The following PDGFC variants were observed in gnomAD, a reference collection of about 807,000 sequenced individuals.
PDGFC encodes platelet derived growth factor C.
A neutral mutation model predicts 35.5 loss-of-function variants in PDGFC; 12 were observed. The ratio of observed to expected loss-of-function variants is 0.34; its 90% CI spans 0.22 to 0.55. PDGFC has a LOEUF of 0.55. PDGFC is among the 20% of genes least tolerant of loss of function. The probability of loss-of-function intolerance (pLI) is 0.91; values close to 1 mark genes in which losing one functional copy is unlikely to be tolerated. For synonymous variants in PDGFC, 159 were observed against 148.8 expected, an observed-to-expected ratio of 1.07 and a Z score of -0.50; for missense variants, 322 against 412.4, an observed-to-expected ratio of 0.78 and a Z score of 1.90.
chr4:156,767,837 C>G lies in PDGFC; in HGVS notation c.857G>C (p.Cys286Ser), dbSNP rs1730582520. The change falls in exon 5 of 6, where the codon TGT (cysteine) becomes TCT (serine). Residue 286 changes from cysteine (C) to serine (S), a missense_variant. Transcript: ENST00000502773. ...LVKRCGGNCA[C>S]CLHNCNECQC... ...ACATTCATTGCAATTGTGGAGACAA[C>G]AGGCACAGTTCCCACCACAGCGTTT... 1 of 1,613,228 alleles carries G rather than the reference C, an allele frequency of 6.2e-7. No homozygotes were observed. The highest frequency in any genetic ancestry group is 1.1e-5 in the South Asian group (1 of 91,066).
At chr4:156,820,780 G>T (rs1732231232) in intron 2 of PDGFC, among the ~76,000 whole-genome samples, 1 of 152,050 alleles carries the variant, frequency 6.6e-6, no homozygotes, top group African/African-American at 2.4e-5. Flanking sequence ...CAACAACTTA[G>T]ATAAAAACTG....
chr4:156,926,076 C>T (rs766553026), intron 1 of PDGFC, among the ~76,000 whole-genome samples: 8 of 116,260 alleles, frequency 6.9e-5, no homozygotes, highest in Non-Finnish European at 1.5e-4. Context: ...AAAAAAAAGA[C>T]AGAAAGACAG....
intron 2 of PDGFC, among the ~76,000 whole-genome samples, chr4:156,821,851 CA>C (rs1340887766): frequency 1.3e-5 from 2 of 151,940 alleles, no homozygotes; most frequent in African/African-American, 2.4e-5. Flanking sequence ...GCCTGGCTGC[CA>C]ATGTGGATAT....
intron 1 of PDGFC, chr4:156,967,779 T>G (rs1045856154): frequency 2.0e-5 from 3 of 152,302 alleles, no homozygotes; most frequent in South Asian, 4.1e-4. Context: ...TGAGTATTTT[T>G]CACCATGGTC....
intron 3 of PDGFC, among the ~76,000 whole-genome samples, chr4:156,800,428 A>C (rs148271721): frequency 1.3e-4 from 20 of 152,298 alleles, no homozygotes; most frequent in African/African-American, 3.8e-4. Flanking sequence ...TTTCAAAGTA[A>C]TATTAAGTAA....
intron 1 of PDGFC, among the ~76,000 whole-genome samples, chr4:156,929,856 C>G (rs1731509921): frequency 6.6e-6 from 1 of 152,076 alleles, no homozygotes; most frequent in Non-Finnish European, 1.5e-5. Context: ...TTCAAGATGC[C>G]TGTGTTGACA....
At chr4:156,964,168 T>C (rs1200121127) in intron 1 of PDGFC, among the ~76,000 whole-genome samples, 1 of 151,870 alleles carries the variant, frequency 6.6e-6, no homozygotes, top group African/African-American at 2.4e-5. Flanking sequence ...TTAAATGAAA[T>C]GTTAAAATTA....
chr4:156,971,391 G>A lies in PDGFC; in HGVS notation c.-488C>T, dbSNP rs1029777299. On this transcript the variant is annotated 5_prime_UTR_variant, in exon 1 of 6. Transcript: ENST00000502773. ...AAGCTGCCAATAGATGCGGCTCTCC[G>A]GGCGCCCCTCTCCCCCGCCCCACCC... 7.6e-6 allele frequency: 3 copies of A among 395,628 alleles called. No individual in the cohort carries two copies. Among genetic ancestry groups the A allele is most frequent in the Non-Finnish European group, 1.3e-5 (3 of 224,442 alleles). 24.5% of individuals were successfully genotyped at this position (395,628 alleles called of 1,614,324 possible).
chr4:156,863,921 T>G (rs2111121277), intron 1 of PDGFC, among the ~76,000 whole-genome samples: 1 of 152,246 alleles, frequency 6.6e-6, no homozygotes, highest in South Asian at 2.1e-4. Flanking sequence ...ATTTGATTAC[T>G]TAGTTTTTAA....
intron 1 of PDGFC, among the ~76,000 whole-genome samples, chr4:156,853,506 T>C (rs1304384552): frequency 2.6e-5 from 4 of 152,228 alleles, no homozygotes; most frequent in African/African-American, 7.2e-5. Context: ...ATGTTTCCTC[T>C]TAATAGATGC....
At chr4:156,889,316 C>T (rs1217085590) in intron 1 of PDGFC, among the ~76,000 whole-genome samples, 2 of 152,168 alleles carry the variant, frequency 1.3e-5, no homozygotes, top group South Asian at 4.1e-4. Flanking sequence ...CAACTTAATT[C>T]ATATCACATT....
intron 1 of PDGFC, among the ~76,000 whole-genome samples, chr4:156,920,779 G>T (rs943018769): frequency 6.6e-6 from 1 of 151,836 alleles, no homozygotes; most frequent in Non-Finnish European, 1.5e-5. Flanking sequence ...AACTATAATT[G>T]CCAACCTTTT....
At chr4:156,895,031 ATTAT>A (rs1199616391) in intron 1 of PDGFC, among the ~76,000 whole-genome samples, 6 of 152,198 alleles carry the variant, frequency 3.9e-5, no homozygotes, top group Admixed American at 3.3e-4. Context: ...GACAGTAGAA[ATTAT>A]TTGAGTTCAG....
intron 1 of PDGFC, among the ~76,000 whole-genome samples, chr4:156,854,567 A>T (rs977458009): frequency 2.6e-5 from 4 of 152,090 alleles, no homozygotes; most frequent in Admixed American, 2.6e-4. Context: ...TGATTTGCAG[A>T]TGACTGTCAA....
At chr4:156,923,719 G>A (rs922273869) in intron 1 of PDGFC, among the ~76,000 whole-genome samples, 2 of 152,056 alleles carry the variant, frequency 1.3e-5, no homozygotes, top group African/African-American at 4.8e-5. Context: ...TGATGCAACA[G>A]GTAAACTCAC....
At chr4:156,786,976 A>T (rs535398459) in intron 3 of PDGFC, among the ~76,000 whole-genome samples, 1 of 152,246 alleles carries the variant, frequency 6.6e-6, no homozygotes, top group Admixed American at 6.5e-5. Context: ...CAATAATCCA[A>T]ATGGAAAGAT....
rs753063495 is a variant in PDGFC, at chr4:156,772,798, T to C, written c.591A>G (p.Glu197=). 1 of 1,613,068 alleles carries C rather than the reference T, an allele frequency of 6.2e-7. No homozygotes were observed. The highest frequency in any genetic ancestry group is 2.2e-5 in the East Asian group (1 of 44,844). Reference sequence around the variant, plus strand: ...CTGGTTCAAGATATCGAATAAGGTCTTCCAAGGTACTAAAGGCAGTTATAG... The same window carrying C: ...CTGGTTCAAGATATCGAATAAGGTCCTCCAAGGTACTAAAGGCAGTTATAG... ...NNAITAFSTL[E]DLIRYLEPER... is the part of the protein sequence containing the mutation. Residue 197 remains glutamate (E), a synonymous_variant, in exon 4 of 6, where the codon GAA becomes GAG. Transcript: ENST00000502773.
intron 2 of PDGFC, among the ~76,000 whole-genome samples, chr4:156,831,057 T>C (rs957330288): frequency 6.6e-6 from 1 of 152,180 alleles, no homozygotes; most frequent in African/African-American, 2.4e-5. Flanking sequence ...ATCCCCAATA[T>C]TTAGCATGGT....
At chr4:156,839,357 T>C (rs2111048605) in intron 2 of PDGFC, among the ~76,000 whole-genome samples, 1 of 152,284 alleles carries the variant, frequency 6.6e-6, no homozygotes, top group South Asian at 2.1e-4. Flanking sequence ...TATAAGGGGC[T>C]TTTTCCCCTT....
Sources: allele counts gnomAD v4.1 joint callset (sites outside exome capture counted in the v4.1 genomes callset), GRCh38; gene constraint gnomAD v4.1.1; transcripts MANE v1.5; gene names NCBI Gene and HGNC (gene_info 2026-07-23, HGNC 2026-07-21).